The following DPP10 variants were observed in gnomAD, a reference collection of about 807,000 sequenced individuals.
DPP10 encodes inactive dipeptidyl peptidase 10.
A neutral mutation model predicts 120.9 loss-of-function variants in DPP10; 33 were observed. That is an observed-to-expected ratio of 0.27 (90% CI 0.21 to 0.37). The LOEUF is 0.37. Ranked by LOEUF, DPP10 falls within the 10% of genes least tolerant of loss-of-function variation. The pLI is 1.00. For missense variants in DPP10, 816 were observed against 942.8 expected (o/e 0.87, Z 1.76); for synonymous variants, 337 against 326.1 (o/e 1.03, Z -0.36).
At chr2:115,395,535 C>A (rs1182663742) in intron 3 of DPP10, among the ~76,000 whole-genome samples, 1 of 152,112 alleles carries the variant, frequency 6.6e-6, no homozygotes, top group African/African-American at 2.4e-5. Context: ...CTTCCCAGGC[C>A]TTCCCTGTTT....
chr2:115,175,024 AG>A (rs1411077131), intron 1 of DPP10, among the ~76,000 whole-genome samples: 2 of 152,238 alleles, frequency 1.3e-5, no homozygotes, highest in Non-Finnish European at 2.9e-5. Flanking sequence ...CCATTCTTGA[AG>A]GATTTAGCAA....
chr2:114,475,240 C>A (rs1232146600), intron 1 of DPP10, among the ~76,000 whole-genome samples: 1 of 152,168 alleles, frequency 6.6e-6, no homozygotes, highest in Non-Finnish European at 1.5e-5. Flanking sequence ...TCAGGACTCA[C>A]CTTTCCTGGC....
At chr2:114,972,218 T>C (rs1699447272) in intron 1 of DPP10, among the ~76,000 whole-genome samples, 1 of 152,190 alleles carries the variant, frequency 6.6e-6, no homozygotes, top group Non-Finnish European at 1.5e-5. Flanking sequence ...TACATAGAAA[T>C]GGTTGAGTCC....
intron 1 of DPP10, among the ~76,000 whole-genome samples, chr2:114,521,104 A>T (rs1685008948): frequency 6.6e-6 from 1 of 152,220 alleles, no homozygotes; most frequent in African/African-American, 2.4e-5. Flanking sequence ...GACATCAGAA[A>T]AAAATGAAGA....
intron 16 of DPP10, among the ~76,000 whole-genome samples, chr2:115,782,011 G>A (rs1682820387): frequency 6.6e-6 from 1 of 151,922 alleles, no homozygotes; most frequent in East Asian, 1.9e-4. Context: ...GGGGTGAAAG[G>A]GTTGTGAATC....
At chr2:115,023,107 G>T (rs751324487) in intron 1 of DPP10, among the ~76,000 whole-genome samples, 1 of 151,890 alleles carries the variant, frequency 6.6e-6, no homozygotes, top group Non-Finnish European at 1.5e-5. Context: ...CTTCATGACC[G>T]GGAACTCAAA....
chr2:114,708,629 T>C (rs1452307330), intron 1 of DPP10, among the ~76,000 whole-genome samples: 1 of 152,160 alleles, frequency 6.6e-6, no homozygotes. Flanking sequence ...TGTACATCAC[T>C]GTGGTAAAAA....
intron 8 of DPP10, among the ~76,000 whole-genome samples, chr2:115,735,424 T>G (rs886693697): frequency 1.3e-5 from 2 of 152,114 alleles, no homozygotes; most frequent in Admixed American, 6.6e-5. Flanking sequence ...GTTCATTTCT[T>G]TTACTTTTAC....
At chr2:115,537,013 A>T (rs554379543) in intron 5 of DPP10, among the ~76,000 whole-genome samples, 11 of 152,208 alleles carry the variant, frequency 7.2e-5, no homozygotes, top group Non-Finnish European at 1.6e-4. Flanking sequence ...TACACAAGAC[A>T]GTCCTTAATT....
chr2:114,737,923 G>T (rs951433626), intron 1 of DPP10, among the ~76,000 whole-genome samples: 1 of 152,170 alleles, frequency 6.6e-6, no homozygotes, highest in African/African-American at 2.4e-5. Context: ...CCTGAGACTG[G>T]GTGATTTGTA....
At chr2:115,539,101 G>C (rs1323981707) in intron 5 of DPP10, among the ~76,000 whole-genome samples, 1 of 151,824 alleles carries the variant, frequency 6.6e-6, no homozygotes, top group Non-Finnish European at 1.5e-5. Flanking sequence ...GGATATATCA[G>C]TGTTCTAAGG....
chr2:115,694,086 A>T (rs965363341), intron 7 of DPP10, among the ~76,000 whole-genome samples: 13 of 152,170 alleles, frequency 8.5e-5, no homozygotes, highest in African/African-American at 2.9e-4. Flanking sequence ...TCTTAAGAGA[A>T]ATTTCATATT....
At chr2:114,496,551 G>T (rs184813506) in intron 1 of DPP10, among the ~76,000 whole-genome samples, 1 of 152,072 alleles carries the variant, frequency 6.6e-6, no homozygotes, top group African/African-American at 2.4e-5. Context: ...TCTCTCTCGG[G>T]CCTCTTTTAT....
At chr2:115,221,144 A>G (rs1417627271) in intron 1 of DPP10, among the ~76,000 whole-genome samples, 2 of 151,990 alleles carry the variant, frequency 1.3e-5, no homozygotes, top group Non-Finnish European at 2.9e-5. Context: ...GAGTTTGTCC[A>G]TAGTATTTTT....
At chr2:115,765,782 G>A (rs1680634992) in intron 12 of DPP10, among the ~76,000 whole-genome samples, 3 of 152,142 alleles carry the variant, frequency 2.0e-5, no homozygotes, top group Admixed American at 2.0e-4. Context: ...GTTGAAAGAA[G>A]TGATTCACTC....
At chr2:114,622,578 G>T (rs930477335) in intron 1 of DPP10, among the ~76,000 whole-genome samples, 3 of 151,938 alleles carry the variant, frequency 2.0e-5, no homozygotes, top group Non-Finnish European at 4.4e-5. Context: ...TGTTCTTCAG[G>T]TAGGGCTGAA....
rs546934299 is a variant in DPP10, at chr2:114,639,660, T to G, written c.60+196822T>G. On this transcript the variant is annotated intron_variant, in intron 1 of 25. Coordinates refer to ENST00000410059, the MANE Select transcript of DPP10 (RefSeq NM_020868.6). ...CCTTTATCTAAAATAAAAGTTGAAA[T>G]TATATTAAAAATTATTTCATAAAAC... 4.6e-5 allele frequency among the ~76,000 whole-genome samples: 7 copies of G among 152,004 alleles called. 1 individual carries two copies. The highest frequency in any genetic ancestry group is 1.7e-4 in the African/African-American group (7 of 41,296).
At chr2:115,262,513 TATTG>T (rs2059296681) in intron 1 of DPP10, among the ~76,000 whole-genome samples, 1 of 152,120 alleles carries the variant, frequency 6.6e-6, no homozygotes, top group African/African-American at 2.4e-5. Flanking sequence ...CTAAAGCAAA[TATTG>T]ATTGTGATAT....
chr2:114,590,771 A>G (rs955224288), intron 1 of DPP10, among the ~76,000 whole-genome samples: 6 of 152,208 alleles, frequency 3.9e-5, no homozygotes, highest in Non-Finnish European at 8.8e-5. Flanking sequence ...AGTAAAATGT[A>G]ATAAGCTAAT....
Sources: gnomAD v4.1 joint callset for allele counts (sites outside exome capture counted in the v4.1 genomes callset) on GRCh38, gnomAD v4.1.1 for gene constraint, MANE v1.5 for transcripts, NCBI Gene and HGNC (gene_info 2026-07-23, HGNC 2026-07-21) for gene names.